Variants in ANXA8 observed in about 807,000 individuals in gnomAD.
The protein encoded by ANXA8 is annexin A8, also known as VAC-beta.
In ANXA8, 9 loss-of-function variants were observed where a neutral mutation model predicts 26.8. That is an observed-to-expected ratio of 0.34 (90% CI 0.20 to 0.59). The LOEUF (loss-of-function observed/expected upper bound fraction) is 0.59. ANXA8 is among the 20% of genes least tolerant of loss of function. The pLI is 0.84. For missense variants in ANXA8, 83 were observed against 238.5 expected, an observed-to-expected ratio of 0.35 and a Z score of 4.29; for synonymous variants, 39 against 94.8, an observed-to-expected ratio of 0.41 and a Z score of 3.42.
At chr10:47,639,955 T>C in the ANXA8 span, among the ~76,000 whole-genome samples, 1 of 149,498 alleles carries the variant, frequency 6.7e-6, no homozygotes, top group Non-Finnish European at 1.5e-5. Flanking sequence ...ATAATTTTTG[T>C]ATTTTTTTTT....
At chr10:47,645,316 T>G in the ANXA8 span, among the ~76,000 whole-genome samples, 1 of 146,708 alleles carries the variant, frequency 6.8e-6, no homozygotes, top group African/African-American at 2.7e-5. Flanking sequence ...AACATAAAGG[T>G]AGTGGGAGAC....
the ANXA8 span, chr10:47,502,815 G>A: frequency 6.3e-7 from 1 of 1,596,440 alleles, no homozygotes; most frequent in South Asian, 1.1e-5. Context: ...TCTGGCTCTG[G>A]ATGGCTTGGA....
chr10:47,898,961 G>A, the ANXA8 span, among the ~76,000 whole-genome samples: 7 of 149,856 alleles, frequency 4.7e-5, no homozygotes, highest in Non-Finnish European at 8.9e-5. Flanking sequence ...AGCCTCCCGA[G>A]TAGCTGGGAT....
chr10:47,777,582 A>C, the ANXA8 span, among the ~76,000 whole-genome samples: 2 of 152,234 alleles, frequency 1.3e-5, no homozygotes, highest in Non-Finnish European at 2.9e-5. Flanking sequence ...AGAAGAGGGA[A>C]AAACACACCC....
chr10:47,775,329 C>T, the ANXA8 span, among the ~76,000 whole-genome samples: 22 of 148,566 alleles, frequency 1.5e-4, no homozygotes, highest in South Asian at 2.8e-3. Flanking sequence ...GCCGAGATTG[C>T]GCCACTGCAC....
the ANXA8 span, among the ~76,000 whole-genome samples, chr10:47,702,689 A>G: frequency 6.6e-6 from 1 of 151,670 alleles, no homozygotes; most frequent in Admixed American, 6.6e-5. Context: ...GCTAGAGTAC[A>G]GTGGTGCGAT....
At chr10:47,898,811 A>ATTT in the ANXA8 span, among the ~76,000 whole-genome samples, 797 of 56,222 alleles carry the variant, frequency 0.014, 115 homozygotes, top group Middle Eastern at 0.033. Flanking sequence ...AAGAGAATGG[A>ATTT]TTTTTTTTTT....
chr10:47,502,585 C>T, the ANXA8 span: 367 of 1,605,546 alleles, frequency 2.3e-4, 1 homozygote, highest in African/African-American at 3.4e-3. Flanking sequence ...AGATCGCACA[C>T]GGGAAAGGCG....
chr10:47,484,096 T>C lies in ANXA8; in HGVS notation c.-163A>G, dbSNP rs34839195. On this transcript the variant is annotated 5_prime_UTR_variant, in exon 1 of 12. Transcript: ENST00000585281. ...AGGGCAGCGCCACACCTGCCTGCCG[T>C]CCCCTCGCCCCCGGGCTCTGCCTGG... 3.1e-4 allele frequency: 491 copies of C among 1,575,516 alleles called. 1 individual carries two copies. Among genetic ancestry groups the C allele is most frequent in the East Asian group, 3.8e-4 (17 of 44,446 alleles).
the ANXA8 span, among the ~76,000 whole-genome samples, chr10:47,723,555 C>T: frequency 8.2e-6 from 1 of 122,188 alleles, no homozygotes; most frequent in Non-Finnish European, 1.8e-5. Context: ...TCCACTTCCT[C>T]CTTCTTGAAA....
chr10:47,762,804 G>C, the ANXA8 span: 17 of 1,322,832 alleles, frequency 1.3e-5, no homozygotes, highest in Non-Finnish European at 1.5e-5. Context: ...GCACGGCAGG[G>C]GCAGGGACCC....
At chr10:47,900,968 A>G in the ANXA8 span, among the ~76,000 whole-genome samples, 1 of 144,012 alleles carries the variant, frequency 6.9e-6, no homozygotes, top group African/African-American at 2.7e-5. Flanking sequence ...AGCCAAGAGT[A>G]TAGAATCAAA....
the ANXA8 span, chr10:47,599,911 A>G: frequency 1.3e-5 from 2 of 150,264 alleles, 1 homozygote; most frequent in East Asian, 3.9e-4. Flanking sequence ...GGCCTTGGCC[A>G]CGCGGCCGTC....
the ANXA8 span, among the ~76,000 whole-genome samples, chr10:47,687,718 C>A: frequency 2.0e-5 from 3 of 151,790 alleles, no homozygotes; most frequent in African/African-American, 7.3e-5. Context: ...ACCAGTTATT[C>A]CTTATGAAGG....
chr10:47,576,646 G>A, the ANXA8 span, among the ~76,000 whole-genome samples: 1 of 150,694 alleles, frequency 6.6e-6, no homozygotes, highest in South Asian at 2.1e-4. Flanking sequence ...TGGGAATATG[G>A]CACCAGGACT....
At chr10:47,501,651 G>A in the ANXA8 span, among the ~76,000 whole-genome samples, 1 of 141,082 alleles carries the variant, frequency 7.1e-6, no homozygotes, top group Non-Finnish European at 1.5e-5. Context: ...AGAGCTTGCA[G>A]TGAGCAGATA....
At chr10:47,648,504 A>T in the ANXA8 span, among the ~76,000 whole-genome samples, 1 of 146,608 alleles carries the variant, frequency 6.8e-6, no homozygotes, top group Non-Finnish European at 1.5e-5. Context: ...CTTCTAGTTC[A>T]CACCATGTGA....
chr10:47,647,870 C>T, the ANXA8 span, among the ~76,000 whole-genome samples: 1 of 151,870 alleles, frequency 6.6e-6, no homozygotes, highest in African/African-American at 2.4e-5. Context: ...AAAGTAACAA[C>T]ACTGTGGAAA....
At chr10:47,664,276 G>T in the ANXA8 span, among the ~76,000 whole-genome samples, 3 of 152,072 alleles carry the variant, frequency 2.0e-5, no homozygotes. Context: ...TACTGGGGAG[G>T]CTGAGGCAGG....
Sources: gnomAD v4.1 joint callset for allele counts (sites outside exome capture counted in the v4.1 genomes callset) on GRCh38, gnomAD v4.1.1 for gene constraint, MANE v1.5 for transcripts, NCBI Gene and HGNC (gene_info 2026-07-23, HGNC 2026-07-21) for gene names.